KIF13A: variants seen among roughly 807,000 people sequenced by gnomAD.
KIF13A encodes kinesin-like protein KIF13A.
KIF13A carries 79 observed loss-of-function variants against 212.2 expected under a neutral mutation model. That is an observed-to-expected ratio of 0.37 (90% CI 0.31 to 0.45). The LOEUF (loss-of-function observed/expected upper bound fraction) is 0.45, where lower values mean the gene tolerates loss of function less well. Among genes scored for constraint, KIF13A ranks in the 20% least tolerant of loss-of-function variants. The pLI is 1.00. For missense variants in KIF13A, 1,901 were observed against 2,209.0 expected, an observed-to-expected ratio of 0.86 and a Z score of 2.79; for synonymous variants, 789 against 808.6, an observed-to-expected ratio of 0.98 and a Z score of 0.41.
intron 33 of KIF13A, 30 bp downstream of exon 33, chr6:17,778,917 C>T: frequency 6.4e-7 from 1 of 1,554,762 alleles, no homozygotes; most frequent in Non-Finnish European, 8.7e-7. Context: ...CTGGTGCTTT[C>T]ATCCTCGGTC....
At chr6:17,908,182 C>T (rs1365010474) in intron 2 of KIF13A, among the ~76,000 whole-genome samples, 1 of 152,216 alleles carries the variant, frequency 6.6e-6, no homozygotes, top group Non-Finnish European at 1.5e-5. Flanking sequence ...ACGACTGCCC[C>T]ACAGTGTGAA....
At chr6:17,830,489 G>A (rs982041984) in intron 13 of KIF13A, among the ~76,000 whole-genome samples, 1 of 152,174 alleles carries the variant, frequency 6.6e-6, no homozygotes, top group African/African-American at 2.4e-5. Flanking sequence ...GGGTTCTGAA[G>A]TCAGAAAATT....
At chr6:17,881,549 T>C (rs1219016233) in intron 3 of KIF13A, 1 of 416,766 alleles carries the variant, frequency 2.4e-6, no homozygotes, top group East Asian at 7.3e-5. Context: ...ATACAAAAAT[T>C]AGCTGGGTGC....
intron 7 of KIF13A, among the ~76,000 whole-genome samples, chr6:17,851,209 T>C (rs1435390208): frequency 6.6e-6 from 1 of 152,234 alleles, no homozygotes; most frequent in Non-Finnish European, 1.5e-5. Context: ...ATGATCACTG[T>C]GCTCTATTTC....
chr6:17,793,235 G>C (rs35262825), intron 25 of KIF13A, among the ~76,000 whole-genome samples: 26,291 of 151,826 alleles, frequency 0.17, 2,583 homozygotes, highest in Admixed American at 0.27. Context: ...CATGCACCAC[G>C]ACACCTGGCT....
At position 17,773,422 on chromosome 6, in the gene KIF13A, ATACTT is replaced by A; in HGVS notation, c.4324+51_4324+55del. 1 of 1,014,104 alleles carries A rather than the reference ATACTT, an allele frequency of 9.9e-7. No homozygotes were observed. Among genetic ancestry groups the A allele is most frequent in the Non-Finnish European group, 1.5e-6 (1 of 650,148 alleles). The allele number at this position is 1,014,104 out of a possible 1,614,324, so 62.8% of individuals were successfully genotyped here. A position where few individuals can be genotyped will look rare whatever the true frequency, so the allele number is the denominator to read the frequency against. ...TGCCATTAATGAAAGACATTTTTTC[ATACTT>A]TTTCTAAGTAATTACAAAGAAATAT... is the stretch of plus-strand genomic sequence containing the variant. On this transcript the variant is annotated intron_variant, in intron 36 of 38. Coordinates refer to ENST00000259711, the MANE Select transcript of KIF13A (RefSeq NM_022113.6). This position sits in a 1 kb window ranked among gnomAD's most constrained non-coding sequence, Gnocchi z 4.2.
chr6:17,837,660 C>A lies in KIF13A; in HGVS notation c.831-77G>T. On this transcript the variant is annotated intron_variant, in intron 9 of 38. Coordinates refer to ENST00000259711, the MANE Select transcript of KIF13A (RefSeq NM_022113.6). This position sits in a 1 kb window ranked among gnomAD's most constrained non-coding sequence, Gnocchi z 5.4. ...GTATAAAATATGCAGAACAATAAAG[C>A]TCCACAGTTAATACACGTTGGTGGC... 2 of 1,020,118 alleles carry A rather than the reference C, an allele frequency of 2.0e-6. No homozygotes were observed. Among genetic ancestry groups the A allele is most frequent in the South Asian group, 1.4e-5 (1 of 69,458 alleles). The allele number at this position is 1,020,118 out of a possible 1,614,324, so 63.2% of individuals were successfully genotyped here.
chr6:17,768,262 C>T lies in KIF13A; in HGVS notation c.4581+2852G>A. On this transcript the variant is annotated intron_variant, in intron 38 of 38. Transcript: ENST00000259711. This position sits in a 1 kb window ranked among gnomAD's most constrained non-coding sequence, Gnocchi z 5.4. ...AGGAAAAAGATAATTAAAACCCTAT[C>T]TGAAGTGGCACATGGAGTCAAGTTC... is the stretch of plus-strand genomic sequence containing the variant. 6.6e-6 allele frequency among the ~76,000 whole-genome samples: 1 copy of T among 152,214 alleles called. No homozygotes were observed. Among genetic ancestry groups the T allele is most frequent in the East Asian group, 1.9e-4 (1 of 5,204 alleles).
At position 17,777,746 on chromosome 6, in the gene KIF13A, G is replaced by A. The variant is rs114265658; in HGVS notation, c.4093-392C>T. The stretch of plus-strand genomic sequence containing the variant: ...ATGTTTATTTATAGATTTAAATATA[G>A]ACTGCATCAGTTCTACATACATACA... On this transcript the variant is annotated intron_variant, in intron 33 of 38. Coordinates refer to ENST00000259711, the MANE Select transcript of KIF13A (RefSeq NM_022113.6). This position sits in a 1 kb window ranked among gnomAD's most constrained non-coding sequence, Gnocchi z 4.4. Among the ~76,000 whole-genome samples, 1 of 152,036 alleles carries A rather than the reference G, an allele frequency of 6.6e-6. No homozygotes were observed. The highest frequency in any genetic ancestry group is 1.5e-5 in the Non-Finnish European group (1 of 68,004).
At position 17,850,286 on chromosome 6, in the gene KIF13A, C is replaced by G. The variant is rs774750205; in HGVS notation, c.717+37G>C. The G allele has an allele frequency of 1.9e-6, 3 of 1,570,396 alleles. No homozygotes were observed. In the South Asian group the frequency reaches 3.5e-5, roughly 18 times the overall value. ...CCTATATGGACACTTTCAGTTCTTC[C>G]ACCCCCACTCCAAAAAGGTTCTGCC... On this transcript the variant is annotated intron_variant, in intron 8 of 38. Coordinates refer to ENST00000259711, the MANE Select transcript of KIF13A (RefSeq NM_022113.6). This position sits in a 1 kb window ranked among gnomAD's most constrained non-coding sequence, Gnocchi z 6.2.
rs914914536 is a variant in KIF13A, at chr6:17,984,289, C to A, written c.146+2765G>T. ...GTGTAGGTACTGGATCCACAAGTAT[C>A]TTTGAATCCCCTATGCTGAGCATGG... On this transcript the variant is annotated intron_variant, in intron 2 of 38. Transcript: ENST00000259711. This position sits in a 1 kb window ranked among gnomAD's most constrained non-coding sequence, Gnocchi z 5.0. 1.3e-5 allele frequency among the ~76,000 whole-genome samples: 2 copies of A among 152,232 alleles called. No individual in the cohort carries two copies. The highest frequency in any genetic ancestry group is 4.8e-5 in the African/African-American group (2 of 41,458).
chr6:17,943,680 G>A (rs1263279972), intron 2 of KIF13A, among the ~76,000 whole-genome samples: 1 of 152,160 alleles, frequency 6.6e-6, no homozygotes, highest in Non-Finnish European at 1.5e-5. Flanking sequence ...GTCTTCCACA[G>A]AAAGCACATT....
chr6:17,875,024 C>CACACACACAG lies in KIF13A; in HGVS notation c.160-1588_160-1587insCTGTGTGTGT, dbSNP rs776533442. ...GCACGCACACACACACACACACACA[C>CACACACACAG]AGCATGGTTCCTTTATCCACTTGTT... On this transcript the variant is annotated intron_variant, in intron 3 of 38. Transcript: ENST00000259711. Among the ~76,000 whole-genome samples the CACACACACAG allele has an allele frequency of 4.1e-3, 624 of 150,552 alleles. 7 individuals are homozygous for CACACACACAG. The highest frequency in any genetic ancestry group is 0.021 in the Middle Eastern group (6 of 292).
chr6:17,907,400 A>G lies in KIF13A; in HGVS notation c.147-9220T>C, dbSNP rs555828266. ...AGCTTAGGCTAGGTATTGATTGGAT[A>G]GCAATCCATGTGGATGTTCAATGAT... is the stretch of plus-strand genomic sequence containing the variant. On this transcript the variant is annotated intron_variant, in intron 2 of 38. Transcript: ENST00000259711. Among the ~76,000 whole-genome samples, 28 of 152,338 alleles carry G rather than the reference A, an allele frequency of 1.8e-4. 1 individual carries two copies. In the South Asian group the frequency reaches 5.2e-3, roughly 28 times the overall value.
At chr6:17,878,854 G>A (rs1770806318) in intron 3 of KIF13A, among the ~76,000 whole-genome samples, 1 of 152,164 alleles carries the variant, frequency 6.6e-6, no homozygotes, top group Non-Finnish European at 1.5e-5. Flanking sequence ...CAGATGAAAA[G>A]AGTCCTAACA....
chr6:17,842,763 T>A (rs927811507), intron 9 of KIF13A, among the ~76,000 whole-genome samples: 1 of 149,444 alleles, frequency 6.7e-6, no homozygotes, highest in Non-Finnish European at 1.5e-5. Context: ...GAACTAAGGA[T>A]AAAAAAAGTA....
chr6:17,841,338 T>C (rs575672818), intron 9 of KIF13A, among the ~76,000 whole-genome samples: 2 of 152,284 alleles, frequency 1.3e-5, no homozygotes, highest in Admixed American at 1.3e-4. Context: ...GTGCTGGGAT[T>C]TCAGGTGTGA....
intron 32 of KIF13A, 36 bp from the exon 33 acceptor site, chr6:17,779,135 G>A: frequency 2.5e-6 from 4 of 1,588,548 alleles, no homozygotes; most frequent in Non-Finnish European, 3.4e-6. Context: ...ATACTTTGAT[G>A]TGAACAACGT....
In KIF13A at chr6:17,787,437, G is replaced by A. The variant is rs1761153697; in HGVS notation, c.3361+339C>T. Among the ~76,000 whole-genome samples the A allele has an allele frequency of 6.6e-6, 1 of 152,144 alleles. No individual in the cohort carries two copies. The highest frequency in any genetic ancestry group is 2.1e-4 in the South Asian group (1 of 4,826). On this transcript the variant is annotated intron_variant, in intron 27 of 38. Coordinates refer to ENST00000259711, the MANE Select transcript of KIF13A (RefSeq NM_022113.6). This position sits in a 1 kb window ranked among gnomAD's most constrained non-coding sequence, Gnocchi z 4.6. ...GGAGGCTGAAGTGGGAGGATCACTT[G>A]AGTCCGGGAGTTTGAGACCAGCCTG...
Sources: allele counts gnomAD v4.1 joint callset (sites outside exome capture counted in the v4.1 genomes callset), GRCh38; gene constraint gnomAD v4.1.1; non-coding constraint Gnocchi (gnomAD v3.1); transcripts MANE v1.5; gene names NCBI Gene and HGNC (gene_info 2026-07-23, HGNC 2026-07-21).